PPP2R2C: variants seen among roughly 807,000 people sequenced by gnomAD.
PPP2R2C encodes the protein protein phosphatase 2 regulatory subunit Bgamma, also known as protein phosphatase 2, regulatory subunit B, gamma.
PPP2R2C carries 10 observed loss-of-function variants against 45.3 expected under a neutral mutation model. The observed-to-expected ratio is 0.22, with a 90% CI of 0.14 to 0.37. PPP2R2C has a LOEUF of 0.37. Among genes scored for constraint, PPP2R2C ranks in the 10% least tolerant of loss-of-function variants. The pLI is 1.00. For missense variants in PPP2R2C, 308 were observed against 619.7 expected (o/e 0.50, Z 5.34); for synonymous variants, 257 against 245.4 (o/e 1.05, Z -0.44).
chr4:6,461,112 G>C (rs969044977), intron 1 of PPP2R2C, among the ~76,000 whole-genome samples: 1 of 152,110 alleles, frequency 6.6e-6, no homozygotes, highest in Non-Finnish European at 1.5e-5. Flanking sequence ...ATTTGGCTTT[G>C]CAGACTCAGC....
At chr4:6,535,311 C>T in exon 2 of PPP2R2C, 1 of 1,535,432 alleles carries the variant, frequency 6.5e-7, no homozygotes, top group Non-Finnish European at 8.7e-7. Flanking sequence ...ACGTGTCCGC[C>T]TCACGCATCC....
At chr4:6,366,635 G>A (rs1714333893) in intron 5 of PPP2R2C, among the ~76,000 whole-genome samples, 1 of 152,218 alleles carries the variant, frequency 6.6e-6, no homozygotes, top group Non-Finnish European at 1.5e-5. Context: ...GGCAGGGACA[G>A]GTCAGAGGCT....
At chr4:6,451,855 G>A (rs992714887) in intron 1 of PPP2R2C, among the ~76,000 whole-genome samples, 11 of 152,058 alleles carry the variant, frequency 7.2e-5, no homozygotes, top group Admixed American at 2.6e-4. Flanking sequence ...GAGTTGGATC[G>A]GCAGAGCCAG....
rs533226506 is a variant in PPP2R2C at position 6,344,123 on chromosome 4, A to G, written c.790+3723T>C. On this transcript the variant is annotated intron_variant, in intron 6 of 8. Coordinates refer to ENST00000382599, the MANE Select transcript of PPP2R2C (RefSeq NM_020416.4). ...GCCCCAAGGTCGCCCAGGCACAATCAAAAGTCCTCAGTGGCCTGGAAGACA... is the reference window on the plus strand; with the variant it reads ...GCCCCAAGGTCGCCCAGGCACAATCGAAAGTCCTCAGTGGCCTGGAAGACA... Among the ~76,000 whole-genome samples, 87 of 152,274 alleles carry G rather than the reference A, an allele frequency of 5.7e-4. 1 individual carries two copies. The South Asian group carries it at 0.017, about 29-fold the overall frequency.
intron 1 of PPP2R2C, among the ~76,000 whole-genome samples, chr4:6,457,053 A>G (rs1363350187): frequency 1.3e-5 from 2 of 152,110 alleles, no homozygotes; most frequent in Admixed American, 6.5e-5. Context: ...TACTAAAAAT[A>G]CAAAAATTAG....
At chr4:6,382,382 G>C in intron 1 of PPP2R2C, 1 of 1,347,300 alleles carries the variant, frequency 7.4e-7, no homozygotes, top group Non-Finnish European at 9.8e-7. Flanking sequence ...GCTCCCTGTA[G>C]CCACAGAGAG....
intron 1 of PPP2R2C, chr4:6,381,465 C>T: frequency 7.3e-7 from 1 of 1,369,958 alleles, no homozygotes; most frequent in Non-Finnish European, 9.5e-7. Context: ...ACCCCTGCCA[C>T]CCAGGCCCCC....
chr4:6,473,114 G>T (rs190251463), upstream of PPP2R2C, among the ~76,000 whole-genome samples: 12 of 152,196 alleles, frequency 7.9e-5, no homozygotes, highest in Admixed American at 5.9e-4. Flanking sequence ...TGGTGGAGGG[G>T]GTCCAGCAGC....
At chr4:6,499,764 T>TAA (rs554286267) in intron 2 of PPP2R2C, among the ~76,000 whole-genome samples, 12 of 131,406 alleles carry the variant, frequency 9.1e-5, no homozygotes, top group Admixed American at 3.8e-4. Flanking sequence ...CATTGAACCA[T>TAA]AAAAAAAAAA....
chr4:6,454,301 A>G (rs1042641962), intron 1 of PPP2R2C, among the ~76,000 whole-genome samples: 1 of 152,180 alleles, frequency 6.6e-6, no homozygotes, highest in African/African-American at 2.4e-5. Flanking sequence ...GTTGAGTCCA[A>G]CTGCCCTTCA....
chr4:6,394,666 C>G (rs73798225), intron 1 of PPP2R2C, among the ~76,000 whole-genome samples: 1 of 152,336 alleles, frequency 6.6e-6, no homozygotes, highest in East Asian at 1.9e-4. Context: ...AGGCCTGACA[C>G]TGATGCGGAC....
chr4:6,348,533 C>T, intron 5 of PPP2R2C: 1 of 615,024 alleles, frequency 1.6e-6, no homozygotes, highest in Non-Finnish European at 2.0e-6. Flanking sequence ...GCACCTGCTC[C>T]CCTTCTTCTG....
chr4:6,354,590 T>C (rs952740713), intron 5 of PPP2R2C, among the ~76,000 whole-genome samples: 1 of 152,134 alleles, frequency 6.6e-6, no homozygotes, highest in Admixed American at 6.5e-5. Flanking sequence ...GAGACGACTC[T>C]GAACCTTTCC....
At chr4:6,521,727 G>T (rs952492950) in intron 2 of PPP2R2C, among the ~76,000 whole-genome samples, 1 of 152,206 alleles carries the variant, frequency 6.6e-6, no homozygotes, top group African/African-American at 2.4e-5. Context: ...TTTCCAGGGG[G>T]CCACTCTCCC....
chr4:6,528,896 A>G (rs1250780398), intron 2 of PPP2R2C, among the ~76,000 whole-genome samples: 1 of 151,648 alleles, frequency 6.6e-6, no homozygotes, highest in African/African-American at 2.4e-5. Flanking sequence ...AAACGGCCCC[A>G]CCCCTATCTC....
chr4:6,413,386 G>C (rs1718318308), intron 1 of PPP2R2C, among the ~76,000 whole-genome samples: 1 of 152,248 alleles, frequency 6.6e-6, no homozygotes, highest in Non-Finnish European at 1.5e-5. Context: ...AGCAGAGGCT[G>C]AACTGCCTGT....
At chr4:6,553,525 C>G (rs1449147433) in intron 1 of PPP2R2C, among the ~76,000 whole-genome samples, 1 of 152,206 alleles carries the variant, frequency 6.6e-6, no homozygotes, top group Non-Finnish European at 1.5e-5. Flanking sequence ...GCCTACAGCA[C>G]CACACTGTCC....
Position 6,478,411 on chromosome 4 carries a change from G to A in PPP2R2C, c.49+56860C>T, listed in dbSNP as rs549925589. Among the ~76,000 whole-genome samples the A allele has an allele frequency of 2.0e-5, 3 of 152,310 alleles. No individual in the cohort carries two copies. In the South Asian group the frequency reaches 6.2e-4, roughly 32 times the overall value. ...CGTCTCTTCTGAGTGCAGCTTCAGTGGCCTCTGTAGGGTTTGACAAATTCT... is the reference window on the plus strand; with the variant it reads ...CGTCTCTTCTGAGTGCAGCTTCAGTAGCCTCTGTAGGGTTTGACAAATTCT... On this transcript the variant is annotated intron_variant, in intron 2 of 9. Coordinates refer to the PPP2R2C transcript ENST00000506140.
intron 1 of PPP2R2C, among the ~76,000 whole-genome samples, chr4:6,556,921 A>G (rs1275873580): frequency 6.6e-6 from 1 of 152,156 alleles, no homozygotes; most frequent in Non-Finnish European, 1.5e-5. Flanking sequence ...CTGCCCTCCC[A>G]GCTCCTGGCA....
Sources: allele counts gnomAD v4.1 joint callset (sites outside exome capture counted in the v4.1 genomes callset), GRCh38; gene constraint gnomAD v4.1.1; transcripts MANE v1.5; gene names NCBI Gene and HGNC (gene_info 2026-07-23, HGNC 2026-07-21).